Variants in UGT2A2 observed in about 807,000 individuals in gnomAD.
The protein encoded by UGT2A2 is UDP glucuronosyltransferase family 2 member A2.
In UGT2A2, 60 loss-of-function variants were observed where a neutral mutation model predicts 50.7. The ratio of observed to expected loss-of-function variants is 1.18; its 90% CI spans 0.96 to 1.47. The LOEUF (loss-of-function observed/expected upper bound fraction) is 1.47. Among genes scored for constraint, UGT2A2 ranks in the 40% most tolerant of loss-of-function variants. The pLI is 0.00. For synonymous variants in UGT2A2, 242 were observed against 214.6 expected (o/e 1.13, Z -1.11); for missense variants, 762 against 634.0 (o/e 1.20, Z -2.17).
At chr4:69,600,805 C>T (rs528704369) in intron 1 of UGT2A2, among the ~76,000 whole-genome samples, 22 of 127,836 alleles carry the variant, frequency 1.7e-4, no homozygotes, top group Non-Finnish European at 2.7e-4. Context: ...AGGTGCTATA[C>T]ACTTAAAAAA....
chr4:69,615,535 T>C (rs1360743837), intron 1 of UGT2A2, among the ~76,000 whole-genome samples: 1 of 151,980 alleles, frequency 6.6e-6, no homozygotes, highest in African/African-American at 2.4e-5. Context: ...AAGAAAAGAA[T>C]GAGTAATCAA....
chr4:69,589,385 T>G lies in UGT2A2; in HGVS notation c.1598A>C (p.Lys533Thr). The change falls in exon 6 of 6, where the codon AAA becomes ACA. Residue 533 changes from lysine to threonine, a missense_variant. Physicochemically the swap from Lys to Thr is moderately conservative, Grantham distance 78. Transcript: ENST00000604629. ...CQKFGKIGKKKKRE is the reference protein window; with the variant it reads ...CQKFGKIGKKTKRE ...CTTTTTCTTGACCTATTCTCTTTTT[T>G]TCTTCTTTCCTATCTTACCAAATTT... The G allele has an allele frequency of 6.2e-7, 1 of 1,611,358 alleles. No homozygotes were observed. The highest frequency in any genetic ancestry group is 1.1e-5 in the South Asian group (1 of 90,772).
intron 5 of UGT2A2, among the ~76,000 whole-genome samples, chr4:69,590,734 G>T (rs566630599): frequency 2.5e-4 from 38 of 151,956 alleles, no homozygotes; most frequent in Non-Finnish European, 2.9e-5. Context: ...TATACTTTAG[G>T]CAATAAATAA....
At chr4:69,638,582 T>A in intron 1 of UGT2A2, among the ~76,000 whole-genome samples, 1 of 152,108 alleles carries the variant, frequency 6.6e-6, no homozygotes, top group East Asian at 1.9e-4. Context: ...GCCAGGGTAT[T>A]TTTCAGTAGT....
At chr4:69,632,078 A>G (rs1199578695) in intron 1 of UGT2A2, among the ~76,000 whole-genome samples, 2 of 152,126 alleles carry the variant, frequency 1.3e-5, no homozygotes, top group Admixed American at 6.5e-5. Context: ...TTTATTTTTG[A>G]AAGAGATTCA....
At chr4:69,628,028 T>C (rs998990185) in intron 1 of UGT2A2, among the ~76,000 whole-genome samples, 5 of 151,988 alleles carry the variant, frequency 3.3e-5, no homozygotes, top group Non-Finnish European at 5.9e-5. Flanking sequence ...GTTGATATAA[T>C]CTCACTTGTC....
intron 5 of UGT2A2, among the ~76,000 whole-genome samples, chr4:69,591,201 C>G (rs1293193846): frequency 1.3e-5 from 2 of 151,972 alleles, no homozygotes; most frequent in African/African-American, 4.8e-5. Flanking sequence ...TGACCATGGC[C>G]CATGATAAAG....
intron 1 of UGT2A2, among the ~76,000 whole-genome samples, chr4:69,624,714 C>T (rs1720938290): frequency 1.3e-5 from 2 of 151,228 alleles, no homozygotes; most frequent in African/African-American, 4.8e-5. Flanking sequence ...TCCTGTATCT[C>T]TTCCCAGATT....
At chr4:69,621,661 A>T (rs1180916047) in intron 1 of UGT2A2, among the ~76,000 whole-genome samples, 1 of 151,946 alleles carries the variant, frequency 6.6e-6, no homozygotes, top group Admixed American at 6.6e-5. Context: ...GTATACACCG[A>T]AAGGAATATA....
At chr4:69,610,543 T>A (rs1160955674) in intron 1 of UGT2A2, among the ~76,000 whole-genome samples, 1 of 152,196 alleles carries the variant, frequency 6.6e-6, no homozygotes, top group Non-Finnish European at 1.5e-5. Context: ...GTTTTAAAAA[T>A]CAGTGTTATG....
At chr4:69,619,043 A>AT (rs1162081746) in intron 1 of UGT2A2, among the ~76,000 whole-genome samples, 6 of 151,880 alleles carry the variant, frequency 4.0e-5, no homozygotes, top group Non-Finnish European at 7.4e-5. Flanking sequence ...ATGTATATAC[A>AT]TTTGTAAATG....
rs1719492447 is a variant in UGT2A2 at position 69,604,649 on chromosome 4, C to A, written c.743-5255G>T. 2.2e-5 allele frequency among the ~76,000 whole-genome samples: 3 copies of A among 136,824 alleles called. 1 individual carries two copies. The highest frequency in any genetic ancestry group is 8.9e-5 in the African/African-American group (3 of 33,792). The allele number at this position is 136,824 out of a possible 152,430, so 89.8% of individuals were successfully genotyped here. ...GCAAATTGGATAAAGAGCCAAGACC[C>A]ATCAGTGTGCTGTATTCAGGAAACC... On this transcript the variant is annotated intron_variant, in intron 1 of 5. Transcript: ENST00000604629.
chr4:69,593,649 T>A (rs565438312), intron 5 of UGT2A2, among the ~76,000 whole-genome samples: 15 of 151,720 alleles, frequency 9.9e-5, no homozygotes, highest in African/African-American at 3.6e-4. Context: ...GATAAAATTA[T>A]ACTTAAATTT....
intron 1 of UGT2A2, among the ~76,000 whole-genome samples, chr4:69,627,593 GAAAGA>G (rs1334708521): frequency 1.5e-5 from 2 of 135,436 alleles, no homozygotes; most frequent in African/African-American, 2.8e-5. Context: ...AAAAAAAGAA[GAAAGA>G]AAAGAAAGAA....
chr4:69,628,774 A>C (rs1721228943), intron 1 of UGT2A2, among the ~76,000 whole-genome samples: 1 of 149,766 alleles, frequency 6.7e-6, no homozygotes, highest in Non-Finnish European at 1.5e-5. Flanking sequence ...GTTTCAGCTT[A>C]CAAAATAAAA....
In UGT2A2 at chr4:69,596,485, A is replaced by G. The variant is rs540325753; in HGVS notation, c.892-104T>C. 9 of 1,324,904 alleles carry G rather than the reference A, an allele frequency of 6.8e-6. 1 individual carries two copies. In the East Asian group the frequency reaches 2.5e-4, roughly 37 times the overall value. The allele number at this position is 1,324,904 out of a possible 1,614,324, so 82.1% of individuals were successfully genotyped here. A position where few individuals can be genotyped will look rare whatever the true frequency, so the allele number is the denominator to read the frequency against. The stretch of plus-strand genomic sequence containing the variant: ...TAAAATTAAGATATATGTCAGAGAA[A>G]CTGTTGAACTGTCTGTCTTCTGACA... On this transcript the variant is annotated intron_variant, in intron 2 of 5. Coordinates refer to ENST00000604629, the MANE Select transcript of UGT2A2 (RefSeq NM_001105677.2).
Position 69,639,417 on chromosome 4 carries a change from T to C in UGT2A2, c.224A>G (p.Asp75Gly), listed in dbSNP as rs570855705. The change falls in exon 1 of 6, where the codon GAT (aspartate) becomes GGT (glycine). Residue 75 changes from aspartate (D) to glycine (G), a missense_variant. Transcript: ENST00000604629. The stretch of plus-strand genomic sequence containing the variant: ...TATCACTTCAAAATTCACAGGAGAA[T>C]CGGGATTGGAGTTGATGAATAGAGT... The part of the protein sequence containing the change: ...SATLFINSNP[D>G]SPVNFEVIPV... 1.2e-6 allele frequency: 2 copies of C among 1,613,368 alleles called. No homozygotes were observed. The highest frequency in any genetic ancestry group is 1.3e-5 in the African/African-American group (1 of 75,016).
chr4:69,626,089 T>C (rs987548193), intron 1 of UGT2A2, among the ~76,000 whole-genome samples: 6 of 151,550 alleles, frequency 4.0e-5, no homozygotes, highest in Admixed American at 1.3e-4. Context: ...CAGTCATATA[T>C]TTATGCTTTG....
At chr4:69,596,831 C>G (rs1290364344) in intron 2 of UGT2A2, among the ~76,000 whole-genome samples, 1 of 152,134 alleles carries the variant, frequency 6.6e-6, no homozygotes, top group Non-Finnish European at 1.5e-5. Flanking sequence ...CAGAAATAGT[C>G]TCCTTAAGAG....
Sources: gnomAD v4.1 joint callset for allele counts (sites outside exome capture counted in the v4.1 genomes callset) on GRCh38, gnomAD v4.1.1 for gene constraint, MANE v1.5 for transcripts, NCBI Gene and HGNC (gene_info 2026-07-23, HGNC 2026-07-21) for gene names.